DPH6: variants seen among roughly 807,000 people sequenced by gnomAD.
DPH6 encodes diphthamine biosynthesis 6.
DPH6 carries 33 observed loss-of-function variants against 38.2 expected under a neutral mutation model. That is an observed-to-expected ratio of 0.86 (90% confidence interval 0.65 to 1.15). DPH6 has a LOEUF of 1.15. DPH6 is among the 50% of genes most tolerant of loss of function. The pLI is 0.00. For synonymous variants in DPH6, 108 were observed against 103.0 expected, an observed-to-expected ratio of 1.05 and a Z score of -0.30; for missense variants, 325 against 320.0, an observed-to-expected ratio of 1.02 and a Z score of -0.12.
the DPH6 span, among the ~76,000 whole-genome samples, chr15:35,170,155 A>G: frequency 9.9e-5 from 15 of 152,200 alleles, no homozygotes; most frequent in African/African-American, 3.6e-4. Context: ...TTGGTCAAAT[A>G]AAAACCAAAA....
At chr15:35,191,015 G>A in the DPH6 span, among the ~76,000 whole-genome samples, 31 of 152,290 alleles carry the variant, frequency 2.0e-4, no homozygotes, top group Admixed American at 1.8e-3. Flanking sequence ...TTAAGGAAGT[G>A]CTCAGCATGC....
At chr15:35,442,710 T>C (rs1057261068) in intron 5 of DPH6, among the ~76,000 whole-genome samples, 4 of 152,188 alleles carry the variant, frequency 2.6e-5, no homozygotes, top group African/African-American at 7.2e-5. Flanking sequence ...CAATTATATA[T>C]GCTATAATTT....
At chr15:35,366,019 C>T, downstream of DPH6, 1 of 984,972 alleles carries the variant, frequency 1.0e-6, no homozygotes, top group Non-Finnish European at 1.2e-6. Context: ...TTGTGCTGAA[C>T]CAAATGTTGG....
At chr15:35,451,099 T>A (rs2053927579) in intron 4 of DPH6, among the ~76,000 whole-genome samples, 1 of 152,168 alleles carries the variant, frequency 6.6e-6, no homozygotes, top group Admixed American at 6.5e-5. Context: ...CAGTATACTC[T>A]CATTTTTAAA....
At chr15:35,513,552 T>C (rs2054804084) in intron 3 of DPH6, among the ~76,000 whole-genome samples, 1 of 152,034 alleles carries the variant, frequency 6.6e-6, no homozygotes, top group African/African-American at 2.4e-5. Context: ...AATGCCAATG[T>C]TATTTTTACT....
At chr15:35,390,782 T>C (rs1224274884) in intron 6 of DPH6, among the ~76,000 whole-genome samples, 1 of 152,204 alleles carries the variant, frequency 6.6e-6, no homozygotes, top group African/African-American at 2.4e-5. Context: ...TTGCCATTGG[T>C]TCGAACTTCC....
chr15:35,535,198 A>C (rs555382678), intron 3 of DPH6, among the ~76,000 whole-genome samples: 6 of 152,200 alleles, frequency 3.9e-5, no homozygotes, highest in Non-Finnish European at 7.3e-5. Context: ...ACACATCATA[A>C]AAGTTAACAG....
intron 3 of DPH6, among the ~76,000 whole-genome samples, chr15:35,460,421 C>G (rs2054050424): frequency 6.6e-6 from 1 of 152,052 alleles, no homozygotes; most frequent in Non-Finnish European, 1.5e-5. Flanking sequence ...AACTTAGAGA[C>G]AAAGACTGGA....
chr15:35,177,379 A>G, the DPH6 span, among the ~76,000 whole-genome samples: 1 of 151,702 alleles, frequency 6.6e-6, no homozygotes, highest in Non-Finnish European at 1.5e-5. Context: ...GCTCGAGATC[A>G]GCCTGGGCAA....
intron 3 of DPH6, among the ~76,000 whole-genome samples, chr15:35,457,286 T>G (rs1434420236): frequency 6.6e-6 from 1 of 151,976 alleles, no homozygotes; most frequent in Non-Finnish European, 1.5e-5. Context: ...TGATAACACT[T>G]AACTAATCAG....
intron 5 of DPH6, among the ~76,000 whole-genome samples, chr15:35,419,223 C>T (rs1178603655): frequency 1.3e-5 from 2 of 151,990 alleles, no homozygotes; most frequent in Admixed American, 6.6e-5. Context: ...CCACTGAACA[C>T]ACCATTATTC....
chr15:35,475,488 C>T (rs570379203), intron 3 of DPH6, among the ~76,000 whole-genome samples: 1 of 151,774 alleles, frequency 6.6e-6, no homozygotes, highest in African/African-American at 2.4e-5. Flanking sequence ...ATAAGATGAC[C>T]GACCAACTAT....
intron 7 of DPH6, among the ~76,000 whole-genome samples, chr15:35,378,978 C>G (rs1374449115): frequency 1.3e-5 from 2 of 151,998 alleles, no homozygotes; most frequent in Non-Finnish European, 2.9e-5. Flanking sequence ...GTATAATTTA[C>G]AAACAAACAA....
At chr15:35,358,480 T>C (rs975778710) in intron 3 of DPH6, among the ~76,000 whole-genome samples, 1 of 152,088 alleles carries the variant, frequency 6.6e-6, no homozygotes, top group Non-Finnish European at 1.5e-5. Context: ...ATTACCAGGG[T>C]TGGTTTTCTG....
rs564522071 is a variant in DPH6 at position 35,248,581 on chromosome 15, C to A, written n.201-27999G>T. On this transcript the variant is annotated intron_variant and non_coding_transcript_variant, in intron 3 of 3. Coordinates refer to the DPH6 transcript ENST00000560386. ...TCTTGCTTCATCAGATCTAAAGCAC[C>A]CATGCATAAAATCAGACTGCTTTCC... 2.0e-5 allele frequency among the ~76,000 whole-genome samples: 3 copies of A among 152,290 alleles called. No homozygotes were observed. In the East Asian group the frequency reaches 5.8e-4, roughly 29 times the overall value.
chr15:35,406,939 G>A (rs1427186095), intron 6 of DPH6, among the ~76,000 whole-genome samples: 1 of 151,982 alleles, frequency 6.6e-6, no homozygotes, highest in East Asian at 1.9e-4. Context: ...ACCACAGGAG[G>A]AAGGCTATGG....
chr15:35,442,850 T>C (rs1457781251), intron 5 of DPH6, among the ~76,000 whole-genome samples: 1 of 152,154 alleles, frequency 6.6e-6, no homozygotes, highest in Non-Finnish European at 1.5e-5. Flanking sequence ...AAAGTCCTCA[T>C]GGTGCTTAAA....
chr15:35,421,584 T>C (rs1292118951), intron 5 of DPH6, among the ~76,000 whole-genome samples: 1 of 152,202 alleles, frequency 6.6e-6, no homozygotes, highest in Non-Finnish European at 1.5e-5. Flanking sequence ...AAGAAGGGAT[T>C]TGAAATATTT....
chr15:35,237,836 G>GA lies in DPH6; in HGVS notation n.201-17255dup, dbSNP rs1203446917. The GA allele has an allele frequency of 6.7e-5, 103 of 1,540,694 alleles. No homozygotes were observed. The Middle Eastern group carries it at 8.5e-4, about 13-fold the overall frequency. On this transcript the variant is annotated intron_variant and non_coding_transcript_variant, in intron 3 of 3. Transcript: ENST00000560386. ...CTACGTGGAGGGCCTGGAGGAGGAG[G>GA]AGGAGGATGAGGATGAGGAGGAGTA...
Sources: gnomAD v4.1 joint callset for allele counts (sites outside exome capture counted in the v4.1 genomes callset) on GRCh38, gnomAD v4.1.1 for gene constraint, MANE v1.5 for transcripts, NCBI Gene and HGNC (gene_info 2026-07-23, HGNC 2026-07-21) for gene names.